Variants in NR5A1 observed in about 807,000 individuals in gnomAD.
NR5A1 encodes steroidogenic factor 1.
NR5A1 carries 6 observed loss-of-function variants against 42.7 expected under a neutral mutation model. The observed-to-expected ratio is 0.14, with a 90% confidence interval of 0.08 to 0.28. NR5A1 has a LOEUF of 0.28. Among genes scored for constraint, NR5A1 ranks in the 10% least tolerant of loss-of-function variants. NR5A1 has a pLI of 1.00. For synonymous variants in NR5A1, 274 were observed against 277.5 expected (o/e 0.99, Z 0.12); for missense variants, 442 against 626.4 (o/e 0.71, Z 3.14).
intron 6 of NR5A1, among the ~76,000 whole-genome samples, chr9:124,487,991 G>A (rs1015987126): frequency 3.9e-5 from 6 of 152,146 alleles, no homozygotes; most frequent in Admixed American, 6.5e-5. Flanking sequence ...ACCAGGCCCC[G>A]GCATTCAAGG....
At chr9:124,505,559 G>A (rs150920846) in intron 1 of NR5A1, among the ~76,000 whole-genome samples, 231 of 152,346 alleles carry the variant, frequency 1.5e-3, no homozygotes, top group African/African-American at 5.3e-3. Context: ...GCACGCGTGT[G>A]GCCTGGCGGA....
Position 124,503,273 on chromosome 9 carries a change from T to G in NR5A1, c.102+21A>C. 6.2e-7 allele frequency: 1 copy of G among 1,607,220 alleles called. No homozygotes were observed. Among genetic ancestry groups the G allele is most frequent in the South Asian group, 1.1e-5 (1 of 89,974 alleles). On this transcript the variant is annotated intron_variant, in intron 2 of 6. Transcript: ENST00000373588. The surrounding 1 kb of genome is among the most constrained non-coding windows in gnomAD (Gnocchi z 9.6). ...CCGCAGCGCCCGTCTGCCGCACCCC[T>G]GCCGCGCGCTCGCCGCTCACCTTGC...
chr9:124,488,965 A>G (rs1832263221), intron 6 of NR5A1, among the ~76,000 whole-genome samples: 1 of 152,256 alleles, frequency 6.6e-6, no homozygotes, highest in Non-Finnish European at 1.5e-5. Flanking sequence ...TGCATCTGGA[A>G]AAAAAGGCTG....
At chr9:124,489,243 C>T (rs1476570466) in intron 6 of NR5A1, among the ~76,000 whole-genome samples, 2 of 152,220 alleles carry the variant, frequency 1.3e-5, no homozygotes, top group Non-Finnish European at 2.9e-5. Context: ...GCCCACCCTC[C>T]ACCTACCCCT....
At chr9:124,494,313 C>T (rs1189418166) in intron 4 of NR5A1, among the ~76,000 whole-genome samples, 1 of 152,218 alleles carries the variant, frequency 6.6e-6, no homozygotes, top group Non-Finnish European at 1.5e-5. Flanking sequence ...AGAGGCCACA[C>T]AGCTCTGTCT....
At position 124,500,408 on chromosome 9, in the gene NR5A1, G is replaced by A. The variant is rs1199145590; in HGVS notation, c.552C>T (p.Leu184=). ...PGAHGPLAGY[L]YPAFPGRAIK... is the part of the protein sequence containing the mutation. ...TGGCACGGCCAGGAAAGGCAGGGTA[G>A]AGGTAGCCAGCCAGTGGCCCGTGGG... The change falls in exon 4 of 7, where the codon CTC becomes CTT. Residue 184 remains leucine, a synonymous_variant. Transcript: ENST00000373588. The surrounding 1 kb of genome is among the most constrained non-coding windows in gnomAD (Gnocchi z 6.9). The A allele has an allele frequency of 1.3e-6, 2 of 1,563,634 alleles. No homozygotes were observed. Among genetic ancestry groups the A allele is most frequent in the South Asian group, 1.2e-5 (1 of 85,658 alleles).
In NR5A1 at chr9:124,507,392, A is replaced by G. The variant is rs532139661; in HGVS notation, c.-159T>C. The G allele has an allele frequency of 6.6e-6, 1 of 151,070 alleles. No individual in the cohort carries two copies. The highest frequency in any genetic ancestry group is 2.5e-5 in the African/African-American group (1 of 40,360). 9.4% of individuals were successfully genotyped at this position (151,070 alleles called of 1,614,324 possible). A position where few individuals can be genotyped will look rare whatever the true frequency, so the allele number is the denominator to read the frequency against. On this transcript the variant is annotated 5_prime_UTR_variant, in exon 1 of 7. Coordinates refer to ENST00000373588, the MANE Select transcript of NR5A1 (RefSeq NM_004959.5). ...ACACCACGGCGGGCGGCAGCCGGAC[A>G]GCAGGCTGGCCCTGTCCGTCCGTCC...
At chr9:124,495,919 T>G (rs1588619946) in intron 4 of NR5A1, among the ~76,000 whole-genome samples, 1 of 152,194 alleles carries the variant, frequency 6.6e-6, no homozygotes, top group Non-Finnish European at 1.5e-5. Context: ...CGAGCCCCCA[T>G]CCGGCCATGC....
chr9:124,500,835 G>A lies in NR5A1; in HGVS notation c.245-120C>T. On this transcript the variant is annotated intron_variant, in intron 3 of 6. Transcript: ENST00000373588. This position sits in a 1 kb window ranked among gnomAD's most constrained non-coding sequence, Gnocchi z 6.9. Reference sequence around the variant, plus strand: ...CTCCCCTGCTCAACACCCTTTCATGGCTCCCACTGACCACAGGGGAAGTCA... The same window carrying A: ...CTCCCCTGCTCAACACCCTTTCATGACTCCCACTGACCACAGGGGAAGTCA... The A allele has an allele frequency of 6.7e-7, 1 of 1,485,642 alleles. No individual in the cohort carries two copies. The highest frequency in any genetic ancestry group is 9.3e-7 in the Non-Finnish European group (1 of 1,072,686). The allele number at this position is 1,485,642 out of a possible 1,614,324, so 92.0% of individuals were successfully genotyped here.
rs900826379 is a variant in NR5A1 at position 124,503,044 on chromosome 9, G to T, written c.244+35C>A. 3.2e-6 allele frequency: 5 copies of T among 1,543,872 alleles called. No homozygotes were observed. Among genetic ancestry groups the T allele is most frequent in the Non-Finnish European group, 2.6e-6 (3 of 1,149,222 alleles). ...CCCACCCCCTACCCCCTCAGGCTGT[G>T]GGGGGTCAGGGGTCGAGGCCCGCGC... is the stretch of plus-strand genomic sequence containing the variant. On this transcript the variant is annotated intron_variant, in intron 3 of 6. Transcript: ENST00000373588. The surrounding 1 kb of genome is among the most constrained non-coding windows in gnomAD (Gnocchi z 9.6).
In NR5A1 at chr9:124,482,980, G is replaced by A; in HGVS notation, c.1164C>T (p.Ile388=). ...SLDLKFLNNH[I]LVKDAQEKAN... ...CCTTCTCCTGAGCGTCTTTCACCAG[G>A]ATGTGGTTATTCAGGAACTTCAAAT... is the stretch of plus-strand genomic sequence containing the variant. Residue 388 remains isoleucine, a synonymous_variant, in exon 7 of 7, where the codon ATC becomes ATT. Transcript: ENST00000373588. The A allele has an allele frequency of 6.2e-7, 1 of 1,614,120 alleles. No homozygotes were observed. Among genetic ancestry groups the A allele is most frequent in the Non-Finnish European group, 8.5e-7 (1 of 1,180,026 alleles).
Position 124,501,539 on chromosome 9 carries a change from G to A in NR5A1, c.245-824C>T, listed in dbSNP as rs992112760. On this transcript the variant is annotated intron_variant, in intron 3 of 6. Transcript: ENST00000373588. This position sits in a 1 kb window ranked among gnomAD's most constrained non-coding sequence, Gnocchi z 4.1. ...GGCCCCACCCTGGGATCTGGGCGAG[G>A]GGAAAGAGCAGGAGAGAGGGGGTGG... is the stretch of plus-strand genomic sequence containing the variant. Among the ~76,000 whole-genome samples, 23 of 152,248 alleles carry A rather than the reference G, an allele frequency of 1.5e-4. No homozygotes were observed. Among genetic ancestry groups the A allele is most frequent in the African/African-American group, 5.3e-4 (22 of 41,458 alleles).
chr9:124,494,685 A>C (rs925651393), intron 4 of NR5A1, among the ~76,000 whole-genome samples: 2 of 152,094 alleles, frequency 1.3e-5, no homozygotes, highest in African/African-American at 4.8e-5. Flanking sequence ...CCAGAGACAC[A>C]GAGAGGCCAC....
chr9:124,490,970 C>A, intron 6 of NR5A1, 111 bp downstream of exon 6: 1 of 1,381,248 alleles, frequency 7.2e-7, no homozygotes, highest in South Asian at 1.3e-5. Flanking sequence ...CTCCCCGAGG[C>A]TCCTTCGTGG....
rs903016039 is a variant in NR5A1 at position 124,482,444 on chromosome 9, G to A, written c.*314C>T. ...CCGAACCTCCTCCCCGGACCTGCAG[G>A]CTTCAGACTCCAGGAGAGAGAGCTG... On this transcript the variant is annotated 3_prime_UTR_variant, in exon 7 of 7. Coordinates refer to ENST00000373588, the MANE Select transcript of NR5A1 (RefSeq NM_004959.5). 1 of 420,054 alleles carries A rather than the reference G, an allele frequency of 2.4e-6. No homozygotes were observed. The highest frequency in any genetic ancestry group is 3.6e-5 in the Admixed American group (1 of 27,978). 26.0% of individuals were successfully genotyped at this position (420,054 alleles called of 1,614,324 possible). A position where few individuals can be genotyped will look rare whatever the true frequency, so the allele number is the denominator to read the frequency against.
At chr9:124,495,590 C>T (rs1312016726) in intron 4 of NR5A1, among the ~76,000 whole-genome samples, 2 of 152,218 alleles carry the variant, frequency 1.3e-5, no homozygotes, top group Non-Finnish European at 2.9e-5. Flanking sequence ...ACCGTAGACA[C>T]CCAGGTGGTG....
intron 4 of NR5A1, among the ~76,000 whole-genome samples, chr9:124,499,176 T>C (rs1481727340): frequency 1.3e-5 from 2 of 152,104 alleles, no homozygotes; most frequent in Non-Finnish European, 2.9e-5. Context: ...GAGGGGCCTC[T>C]AGGGAGGTCT....
Position 124,496,643 on chromosome 9 carries a change from C to T in NR5A1, c.870+3447G>A, listed in dbSNP as rs1011559977. 1.3e-5 allele frequency among the ~76,000 whole-genome samples: 2 copies of T among 152,224 alleles called. No individual in the cohort carries two copies. Among genetic ancestry groups the T allele is most frequent in the Non-Finnish European group, 2.9e-5 (2 of 68,040 alleles). ...TAATTCTCTGGTGGCTGACACACCA[C>T]GGGCTGGCCACTGCGCTCTGCCGGC... On this transcript the variant is annotated intron_variant, in intron 4 of 6. Coordinates refer to ENST00000373588, the MANE Select transcript of NR5A1 (RefSeq NM_004959.5). This position sits in a 1 kb window ranked among gnomAD's most constrained non-coding sequence, Gnocchi z 5.0.
intron 6 of NR5A1, among the ~76,000 whole-genome samples, chr9:124,485,339 G>C (rs538184140): frequency 6.6e-6 from 1 of 152,252 alleles, no homozygotes; most frequent in East Asian, 1.9e-4. Context: ...GGCGTCCAGA[G>C]GCAGCATGTG....
Sources: allele counts gnomAD v4.1 joint callset (sites outside exome capture counted in the v4.1 genomes callset), GRCh38; gene constraint gnomAD v4.1.1; non-coding constraint Gnocchi (gnomAD v3.1); transcripts MANE v1.5; gene names NCBI Gene and HGNC (gene_info 2026-07-23, HGNC 2026-07-21).